NIPA2: variants seen among roughly 807,000 people sequenced by gnomAD.
The protein encoded by NIPA2 is magnesium transporter NIPA2.
A neutral mutation model predicts 29.7 loss-of-function variants in NIPA2; 11 were observed. That is an observed-to-expected ratio of 0.37 (90% CI 0.23 to 0.61). The LOEUF is 0.61. Ranked by LOEUF, NIPA2 falls within the 20% of genes least tolerant of loss-of-function variation. NIPA2 has a pLI of 0.66. For missense variants in NIPA2, 426 were observed against 437.9 expected, an observed-to-expected ratio of 0.97 and a Z score of 0.24; for synonymous variants, 183 against 161.9, an observed-to-expected ratio of 1.13 and a Z score of -0.99.
chr15:22,867,227 CTTT>C lies in NIPA2; in HGVS notation c.*384_*386del. 4.9e-6 allele frequency: 2 copies of C among 404,618 alleles called. No homozygotes were observed. Among genetic ancestry groups the C allele is most frequent in the East Asian group, 3.5e-5 (1 of 28,260 alleles). The allele number at this position is 404,618 out of a possible 1,614,324, so 25.1% of individuals were successfully genotyped here. ...TCCATCAATCCCTGACCATGTAAGG[CTTT>C]TTTATTTTAAAAAAACAGAGTTATC... On this transcript the variant is annotated 3_prime_UTR_variant, in exon 8 of 8. Transcript: ENST00000337451.
Position 22,866,272 on chromosome 15 carries a change from G to T in NIPA2, c.508G>T (p.Gly170Cys), listed in dbSNP as rs747557839. 2.5e-6 allele frequency: 4 copies of T among 1,613,688 alleles called. No individual in the cohort carries two copies. The highest frequency in any genetic ancestry group is 1.7e-5 in the Admixed American group (1 of 59,996). The change falls in exon 8 of 8, where the codon GGT becomes TGT. Residue 170 changes from glycine (G) to cysteine (C), a missense_variant. Coordinates refer to ENST00000337451, the MANE Select transcript of NIPA2 (RefSeq NM_030922.7). ...IVALILIFVV[G>C]PRHGQTNILV... Reference sequence around the variant, plus strand: ...GGCCTTGATATTAATCTTCGTGGTGGGTCCTCGCCATGGACAGACAAACAT... The same window carrying T: ...GGCCTTGATATTAATCTTCGTGGTGTGTCCTCGCCATGGACAGACAAACAT...
chr15:22,864,344 C>T (rs963668636), intron 7 of NIPA2, among the ~76,000 whole-genome samples: 3 of 152,028 alleles, frequency 2.0e-5, no homozygotes, highest in African/African-American at 7.2e-5. Context: ...TTAGTAGAGA[C>T]GGGGTTTCAC....
chr15:22,854,921 C>A (rs558799629), intron 5 of NIPA2, among the ~76,000 whole-genome samples: 4 of 152,066 alleles, frequency 2.6e-5, no homozygotes, highest in African/African-American at 7.2e-5. Flanking sequence ...TTTGATAGGC[C>A]TGTGCATTTT....
chr15:22,866,924 ATT>A lies in NIPA2; in HGVS notation c.*78_*79del, dbSNP rs909887920. ...ATCATCAGAATGTGTCTGAAAAAACATTGTCCTCAAATAATGTTCTTTAAAGG... is the reference window on the plus strand; with the variant it reads ...ATCATCAGAATGTGTCTGAAAAAACAGTCCTCAAATAATGTTCTTTAAAGG... On this transcript the variant is annotated 3_prime_UTR_variant, in exon 8 of 8. Coordinates refer to ENST00000337451, the MANE Select transcript of NIPA2 (RefSeq NM_030922.7). 1.8e-4 allele frequency: 233 copies of A among 1,330,210 alleles called. 1 individual carries two copies. The highest frequency in any genetic ancestry group is 3.5e-4 in the Admixed American group (15 of 42,302). 82.4% of individuals were successfully genotyped at this position (1,330,210 alleles called of 1,614,324 possible).
rs2057450942 is a variant in NIPA2, at chr15:22,848,503, A to G, written c.-93-3136A>G. ...TCAGCCTCCTGGTGTGTACCACTGT[A>G]TCTGGCTGTTTTTAAGGGCTAATTA... On this transcript the variant is annotated intron_variant, in intron 3 of 7. Transcript: ENST00000337451. 2.0e-5 allele frequency among the ~76,000 whole-genome samples: 3 copies of G among 152,026 alleles called. No homozygotes were observed. The South Asian group carries it at 6.2e-4, about 31-fold the overall frequency.
At chr15:22,863,884 C>T (rs990694141) in intron 7 of NIPA2, among the ~76,000 whole-genome samples, 4 of 152,074 alleles carry the variant, frequency 2.6e-5, no homozygotes, top group Admixed American at 2.6e-4. Context: ...CTCTTTGATG[C>T]CCTCAAATAA....
At chr15:22,846,354 C>T (rs1309636024) in intron 3 of NIPA2, among the ~76,000 whole-genome samples, 1 of 151,784 alleles carries the variant, frequency 6.6e-6, no homozygotes, top group Non-Finnish European at 1.5e-5. Context: ...CCATTAAAAG[C>T]TCCTGGTTTT....
chr15:22,860,543 A>C (rs2058547666), intron 6 of NIPA2, 86 bp from the exon 7 acceptor site: 1 of 894,412 alleles, frequency 1.1e-6, no homozygotes. Context: ...GTTTGATTTC[A>C]GTGATTTAAA....
At chr15:22,842,983 A>G (rs1413192201) in intron 2 of NIPA2, among the ~76,000 whole-genome samples, 1 of 151,454 alleles carries the variant, frequency 6.6e-6, no homozygotes, top group South Asian at 2.1e-4. Context: ...AGCCTGGGCA[A>G]CAGAGTGAGA....
chr15:22,854,413 C>G (rs927179371), intron 5 of NIPA2, among the ~76,000 whole-genome samples: 5 of 151,252 alleles, frequency 3.3e-5, no homozygotes, highest in African/African-American at 1.2e-4. Context: ...GTGTGAGCCA[C>G]CGTGCCTGGC....
chr15:22,844,406 T>C (rs1440599737), intron 2 of NIPA2, among the ~76,000 whole-genome samples: 6 of 151,866 alleles, frequency 4.0e-5, no homozygotes, highest in African/African-American at 1.5e-4. Context: ...TACAAAAAAT[T>C]AGCCGGGTGT....
At chr15:22,854,018 G>C (rs1413949750) in intron 5 of NIPA2, among the ~76,000 whole-genome samples, 1 of 151,396 alleles carries the variant, frequency 6.6e-6, no homozygotes, top group Non-Finnish European at 1.5e-5. Context: ...AGTAGAGACA[G>C]GGATTCACAC....
At chr15:22,848,174 C>G (rs1334157268) in intron 3 of NIPA2, among the ~76,000 whole-genome samples, 1 of 152,082 alleles carries the variant, frequency 6.6e-6, no homozygotes, top group Non-Finnish European at 1.5e-5. Flanking sequence ...GAAGGATATA[C>G]CTGCCAGGAG....
Position 22,853,214 on chromosome 15 carries a change from C to G in NIPA2, c.142C>G (p.Gln48Glu). The G allele has an allele frequency of 6.2e-7, 1 of 1,604,922 alleles. No homozygotes were observed. The highest frequency in any genetic ancestry group is 8.5e-7 in the Non-Finnish European group (1 of 1,171,958). The change falls in exon 5 of 8, where the codon CAA becomes GAA. Residue 48 changes from glutamine to glutamate, a missense_variant and splice_region_variant. Transcript: ENST00000337451. ...LARKGSMRAG[Q>E]GGHAYLKEWL... ...GTGAAATATTTCTTCATTCACAGGTCAAGGTGGCCATGCATATCTTAAGGA... is the reference window on the plus strand; with the variant it reads ...GTGAAATATTTCTTCATTCACAGGTGAAGGTGGCCATGCATATCTTAAGGA...
At chr15:22,866,164 A>T (rs2059052902) in intron 7 of NIPA2, 49 bp from the exon 8 acceptor site, 1 of 1,507,278 alleles carries the variant, frequency 6.6e-7, no homozygotes, top group Non-Finnish European at 9.1e-7. Flanking sequence ...TTCTGTGTTT[A>T]AGAACAACCA....
intron 2 of NIPA2, among the ~76,000 whole-genome samples, chr15:22,840,669 C>T (rs751271960): frequency 6.6e-6 from 1 of 152,082 alleles, no homozygotes; most frequent in African/African-American, 2.4e-5. Context: ...CTGTGTGGTC[C>T]TCTGCATGTG....
intron 2 of NIPA2, among the ~76,000 whole-genome samples, chr15:22,844,711 G>A (rs899858205): frequency 1.2e-4 from 18 of 151,992 alleles, no homozygotes; most frequent in African/African-American, 2.9e-4. Flanking sequence ...CGATGATCGC[G>A]CCACTGCACT....
Position 22,867,608 on chromosome 15 carries a change from G to A in NIPA2, c.*761G>A, listed in dbSNP as rs2059199271. On this transcript the variant is annotated 3_prime_UTR_variant, in exon 8 of 8. Transcript: ENST00000337451. The stretch of plus-strand genomic sequence containing the variant: ...TTTACATCAGCTCTTGTACTTTTCA[G>A]TATATTTTCATAATGAGTTATATTG... 2 of 164,796 alleles carry A rather than the reference G, an allele frequency of 1.2e-5. No individual in the cohort carries two copies. Among genetic ancestry groups the A allele is most frequent in the Admixed American group, 1.3e-4 (2 of 15,650 alleles). The allele number at this position is 164,796 out of a possible 1,614,324, so 10.2% of individuals were successfully genotyped here.
intron 3 of NIPA2, among the ~76,000 whole-genome samples, chr15:22,846,343 G>T (rs749556707): frequency 6.6e-6 from 1 of 152,036 alleles, no homozygotes; most frequent in Non-Finnish European, 1.5e-5. Context: ...TTGCCCTGAG[G>T]CCATTAAAAG....
Sources: gnomAD v4.1 joint callset for allele counts (sites outside exome capture counted in the v4.1 genomes callset) on GRCh38, gnomAD v4.1.1 for gene constraint, MANE v1.5 for transcripts, NCBI Gene and HGNC (gene_info 2026-07-23, HGNC 2026-07-21) for gene names.